UBE4B: variants seen among roughly 807,000 people sequenced by gnomAD.
UBE4B encodes the protein ubiquitination factor E4B.
UBE4B carries 27 observed loss-of-function variants against 148.1 expected under a neutral mutation model. That is an observed-to-expected ratio of 0.18 (90% CI 0.13 to 0.25). The LOEUF (loss-of-function observed/expected upper bound fraction) is 0.25. Ranked by LOEUF, UBE4B falls within the 10% of genes least tolerant of loss-of-function variation. UBE4B has a pLI of 1.00. For missense variants in UBE4B, 1,170 were observed against 1,662.4 expected (o/e 0.70, Z 5.15); for synonymous variants, 596 against 619.3 (o/e 0.96, Z 0.56).
intron 15 of UBE4B, 130 bp downstream of exon 15, chr1:10,132,612 C>A: frequency 1.5e-6 from 1 of 673,030 alleles, no homozygotes; most frequent in Non-Finnish European, 2.5e-6. Flanking sequence ...GAGCTTCCTG[C>A]TTTTGTGGAG....
chr1:10,125,594 A>G (rs573525646), intron 10 of UBE4B, among the ~76,000 whole-genome samples: 1 of 152,360 alleles, frequency 6.6e-6, no homozygotes, highest in East Asian at 1.9e-4. Flanking sequence ...TAGTGGCTAC[A>G]TAGTATACTC....
rs1165544009 is a variant in UBE4B, at chr1:10,076,280, TGTTGCCTAGGC to T, written c.211+4067_211+4077del. Among the ~76,000 whole-genome samples the T allele has an allele frequency of 2.5e-3, 373 of 150,882 alleles. 1 individual carries two copies. Among genetic ancestry groups the T allele is most frequent in the African/African-American group, 8.3e-3 (340 of 40,990 alleles). ...TTTTTTTTTTGAGACAGTCTCACTC[TGTTGCCTAGGC>T]TGGAGTGCAATGACGTGATCTTGGC... On this transcript the variant is annotated intron_variant, in intron 2 of 27. Transcript: ENST00000343090.
chr1:10,111,640 C>T (rs1178389573), intron 7 of UBE4B, among the ~76,000 whole-genome samples: 1 of 152,182 alleles, frequency 6.6e-6, no homozygotes, highest in African/African-American at 2.4e-5. Context: ...TAAACCTGCA[C>T]AACTCTGACT....
intron 3 of UBE4B, among the ~76,000 whole-genome samples, chr1:10,100,705 C>T (rs1318041990): frequency 6.6e-6 from 1 of 152,180 alleles, no homozygotes; most frequent in African/African-American, 2.4e-5. Context: ...CAGGCATGTG[C>T]CACCACGCCT....
chr1:10,057,557 A>C (rs1398272274), intron 1 of UBE4B, among the ~76,000 whole-genome samples: 5 of 149,862 alleles, frequency 3.3e-5, no homozygotes, highest in African/African-American at 1.2e-4. Flanking sequence ...GGCACACACC[A>C]CCATGCCAGG....
chr1:10,143,297 G>A (rs1570970170), intron 17 of UBE4B, among the ~76,000 whole-genome samples: 1 of 152,096 alleles, frequency 6.6e-6, no homozygotes. Context: ...AGCTACTTGG[G>A]AGGCTGTGGC....
chr1:10,064,139 C>G (rs931670859), intron 1 of UBE4B, among the ~76,000 whole-genome samples: 5 of 152,114 alleles, frequency 3.3e-5, no homozygotes, highest in African/African-American at 1.2e-4. Flanking sequence ...GCTCACAAAG[C>G]CTCCCAATCT....
chr1:10,156,442 G>A (rs920520835), intron 21 of UBE4B, among the ~76,000 whole-genome samples: 1 of 152,030 alleles, frequency 6.6e-6, no homozygotes, highest in African/African-American at 2.4e-5. Context: ...GTTTCACGAT[G>A]TTCACCAGGC....
intron 23 of UBE4B, among the ~76,000 whole-genome samples, chr1:10,166,620 T>C (rs1251873763): frequency 1.3e-5 from 2 of 151,964 alleles, no homozygotes; most frequent in African/African-American, 4.8e-5. Context: ...AAACCCCATC[T>C]CTACTAAAAA....
intron 7 of UBE4B, among the ~76,000 whole-genome samples, chr1:10,108,971 C>G (rs949827402): frequency 6.6e-6 from 1 of 152,108 alleles, no homozygotes; most frequent in South Asian, 2.1e-4. Context: ...CTCTAACAAC[C>G]GTATCAGATT....
chr1:10,163,783 A>AT (rs1246769733), intron 23 of UBE4B, among the ~76,000 whole-genome samples: 1 of 150,204 alleles, frequency 6.7e-6, no homozygotes, highest in African/African-American at 2.4e-5. Context: ...ATTTTATTTT[A>AT]TTTTTTGAGA....
chr1:10,115,574 T>C (rs1645295341), intron 7 of UBE4B, among the ~76,000 whole-genome samples: 1 of 152,114 alleles, frequency 6.6e-6, no homozygotes, highest in Non-Finnish European at 1.5e-5. Flanking sequence ...GTTTGGCCAA[T>C]ATCATACCTG....
intron 2 of UBE4B, among the ~76,000 whole-genome samples, chr1:10,090,128 T>G (rs1644822922): frequency 1.2e-5 from 1 of 84,782 alleles, no homozygotes; most frequent in African/African-American, 1.4e-4. Flanking sequence ...TGTGTGTGTG[T>G]TTTTTTTTTT....
At chr1:10,103,796 T>A (rs1037031119) in intron 5 of UBE4B, among the ~76,000 whole-genome samples, 2 of 151,990 alleles carry the variant, frequency 1.3e-5, no homozygotes, top group African/African-American at 2.4e-5. Context: ...CCCAGCTAAT[T>A]CTTGTATTTT....
chr1:10,122,499 A>G (rs1421601994), intron 10 of UBE4B, among the ~76,000 whole-genome samples: 1 of 152,250 alleles, frequency 6.6e-6, no homozygotes, highest in African/African-American at 2.4e-5. Flanking sequence ...CCTGCATGCC[A>G]TATAGAATCT....
At chr1:10,062,684 C>T (rs748813372) in intron 1 of UBE4B, among the ~76,000 whole-genome samples, 4 of 152,124 alleles carry the variant, frequency 2.6e-5, no homozygotes, top group Non-Finnish European at 5.9e-5. Context: ...AGGCCAGGTG[C>T]GGTGGCTCAC....
At chr1:10,123,377 C>G (rs1437369921) in intron 10 of UBE4B, among the ~76,000 whole-genome samples, 1 of 145,292 alleles carries the variant, frequency 6.9e-6, no homozygotes, top group African/African-American at 2.6e-5. Context: ...TTGCAGTGAG[C>G]CGAGATTACA....
Position 10,106,256 on chromosome 1 carries a change from G to T in UBE4B, c.869G>T (p.Gly290Val), listed in dbSNP as rs199915638. The change falls in exon 7 of 28, where the codon GGC becomes GTC. Residue 290 changes from glycine (G) to valine (V), a missense_variant. By Grantham distance (109) the Gly-to-Val change is moderately radical. Around this residue, in one of 6 missense-constraint regions of UBE4B, gnomAD observed 214 missense variants for 209.1 expected, o/e 1.02. Coordinates refer to ENST00000343090, the MANE Select transcript of UBE4B (RefSeq NM_001105562.3). This position sits in a 1 kb window ranked among gnomAD's most constrained non-coding sequence, Gnocchi z 4.2. Reference protein sequence around the residue: ...PSFWSSVPVMGPSLASPSRAA... With the variant: ...PSFWSSVPVMVPSLASPSRAA... ...TTCTGGAGCTCTGTTCCCGTGATGG[G>T]CCCGTCTCTTGCCTCACCTTCCCGT... 45 of 1,613,904 alleles carry T rather than the reference G, an allele frequency of 2.8e-5. No homozygotes were observed. Among genetic ancestry groups the T allele is most frequent in the Admixed American group, 8.3e-5 (5 of 59,990 alleles).
intron 14 of UBE4B, among the ~76,000 whole-genome samples, chr1:10,131,885 G>A (rs535438895): frequency 5.0e-4 from 76 of 152,136 alleles, no homozygotes; most frequent in Middle Eastern, 6.8e-3. Context: ...ACCGGGAGGC[G>A]GAGGTTGCAC....
Sources: gnomAD v4.1 joint callset for allele counts (sites outside exome capture counted in the v4.1 genomes callset) on GRCh38, gnomAD v4.1.1 for gene constraint, gnomAD v4.1.1 regional missense constraint, Gnocchi (gnomAD v3.1) non-coding constraint, MANE v1.5 for transcripts, NCBI Gene and HGNC (gene_info 2026-07-23, HGNC 2026-07-21) for gene names.